BTK: variants seen among roughly 807,000 people sequenced by gnomAD.
BTK encodes the protein Bruton tyrosine kinase.
In BTK, 5 loss-of-function variants were observed where a neutral mutation model predicts 57.4. The ratio of observed to expected loss-of-function variants is 0.09; its 90% confidence interval spans 0.05 to 0.18. The LOEUF (loss-of-function observed/expected upper bound fraction) is 0.18. Ranked by LOEUF, BTK falls within the 10% of genes least tolerant of loss-of-function variation. The pLI is 1.00. For missense variants in BTK, 194 were observed against 501.2 expected, an observed-to-expected ratio of 0.39 and a Z score of 5.85; for synonymous variants, 154 against 174.3, an observed-to-expected ratio of 0.88 and a Z score of 0.92.
upstream of BTK, among the ~76,000 whole-genome samples, chrX:101,387,218 A>G (rs191000029): frequency 4.5e-5 from 5 of 111,355 alleles, no homozygotes; most frequent in Admixed American, 1.9e-4. Flanking sequence ...AACAAAAAAA[A>G]TGGGGTATAT....
chrX:101,375,492 A>G (rs1337328791), intron 1 of BTK, among the ~76,000 whole-genome samples, 178 bp from the exon 2 acceptor site: 1 of 111,874 alleles, frequency 8.9e-6, no homozygotes, highest in Non-Finnish European at 1.9e-5. Flanking sequence ...GGTATAATGG[A>G]TGCACACTGA....
chrX:101,355,927 G>A, intron 15 of BTK, 125 bp downstream of exon 15: 3 of 727,382 alleles, frequency 4.1e-6, no homozygotes, highest in Non-Finnish European at 6.5e-6. Flanking sequence ...CTAACTTATA[G>A]TACTTTCTAG....
chrX:101,353,104 G>A, intron 18 of BTK, 90 bp downstream of exon 18: 2 of 806,756 alleles, frequency 2.5e-6, no homozygotes, highest in Non-Finnish European at 3.6e-6. Context: ...AAGAATGTGT[G>A]CAGCTATCAG....
chrX:101,366,596 G>A (rs1334341481), intron 5 of BTK, among the ~76,000 whole-genome samples: 1 of 111,856 alleles, frequency 8.9e-6, no homozygotes, highest in Non-Finnish European at 1.9e-5. Flanking sequence ...ATTGACATTG[G>A]CAGCACCTGG....
intron 6 of BTK, 68 bp downstream of exon 6, chrX:101,362,493 G>T: frequency 8.3e-7 from 1 of 1,199,392 alleles, no homozygotes; most frequent in South Asian, 1.8e-5. Flanking sequence ...CCCTGGGCTT[G>T]ACAGACCCTT....
At chrX:101,370,206 AG>A in intron 4 of BTK, 127 bp from the exon 5 acceptor site, 1 of 577,997 alleles carries the variant, frequency 1.7e-6, no homozygotes, top group Middle Eastern at 4.1e-4. Context: ...CAGAATCTTC[AG>A]TCAGCAATGG....
intron 2 of BTK, among the ~76,000 whole-genome samples, 184 bp from the exon 3 acceptor site, chrX:101,374,818 A>G (rs1205032017): frequency 1.8e-5 from 2 of 111,714 alleles, no homozygotes; most frequent in African/African-American, 6.5e-5. Context: ...GGCAAATACC[A>G]TGGAAGAGTG....
intron 6 of BTK, 122 bp downstream of exon 6, chrX:101,362,439 G>A: frequency 1.8e-6 from 2 of 1,098,777 alleles, no homozygotes; most frequent in Middle Eastern, 3.0e-4. Context: ...CCCTCCCCCA[G>A]GACCCTTTGT....
rs782050626 is a variant in BTK, at chrX:101,378,943, G to T, written c.-30-3629C>A. Among the ~76,000 whole-genome samples the T allele has an allele frequency of 2.7e-5, 3 of 110,755 alleles. No individual in the cohort carries two copies. The East Asian group carries it at 8.5e-4, about 31-fold the overall frequency. Reference sequence around the variant, plus strand: ...AATCCCAGCACTTTGGGAGGCTGAGGCTGGCGGATCACTTGAGGTCAGGAG... The same window carrying T: ...AATCCCAGCACTTTGGGAGGCTGAGTCTGGCGGATCACTTGAGGTCAGGAG... On this transcript the variant is annotated intron_variant, in intron 1 of 18. Coordinates refer to ENST00000308731, the MANE Select transcript of BTK (RefSeq NM_000061.3).
intron 1 of BTK, among the ~76,000 whole-genome samples, chrX:101,377,204 C>A (rs1258302020): frequency 9.0e-6 from 1 of 111,333 alleles, no homozygotes; most frequent in African/African-American, 3.3e-5. Flanking sequence ...CCCTTCCCAA[C>A]ACTCAGTTTT....
rs147317272 is a variant in BTK, at chrX:101,352,491, G to A, written c.1908+703C>T. Among the ~76,000 whole-genome samples the A allele has an allele frequency of 1.4e-4, 16 of 112,172 alleles. No individual in the cohort carries two copies. The East Asian group carries it at 3.4e-3, about 24-fold the overall frequency. ...TCAGAGAATGTGTGCAAGGCCTGGC[G>A]TGGTGGTTGATGCCTCTAATCCCAG... On this transcript the variant is annotated intron_variant, in intron 18 of 18. Coordinates refer to ENST00000308731, the MANE Select transcript of BTK (RefSeq NM_000061.3).
At position 101,358,597 on chromosome X, in the gene BTK, C is replaced by T; in HGVS notation, c.974+20G>A. ...TACCCCTGTTCTTTGTCCTCAGGGCCTTGGAATAGTAGCACTCACCCTGTG... is the reference window on the plus strand; with the variant it reads ...TACCCCTGTTCTTTGTCCTCAGGGCTTTGGAATAGTAGCACTCACCCTGTG... On this transcript the variant is annotated intron_variant, in intron 11 of 18. Transcript: ENST00000308731. 1 of 1,201,973 alleles carries T rather than the reference C, an allele frequency of 8.3e-7. No individual in the cohort carries two copies. The highest frequency in any genetic ancestry group is 2.2e-5 in the Admixed American group (1 of 46,005).
At chrX:101,382,641 T>C (rs1465688210) in intron 1 of BTK, among the ~76,000 whole-genome samples, 1 of 111,411 alleles carries the variant, frequency 9.0e-6, no homozygotes, top group Non-Finnish European at 1.9e-5. Flanking sequence ...GACAATATAT[T>C]CTGGCCAACT....
intron 1 of BTK, among the ~76,000 whole-genome samples, chrX:101,384,602 T>C (rs1487171116): frequency 2.6e-5 from 1 of 38,639 alleles, no homozygotes; most frequent in Non-Finnish European, 4.2e-5. Flanking sequence ...TGAAACTCCG[T>C]GTCAAAAAAA....
At chrX:101,382,449 C>A (rs1927478659) in intron 1 of BTK, among the ~76,000 whole-genome samples, 1 of 110,848 alleles carries the variant, frequency 9.0e-6, no homozygotes, top group East Asian at 2.8e-4. Flanking sequence ...GCCTCAGCCT[C>A]CTGAGTAGCT....
Position 101,370,097 on chromosome X carries a change from C to T in BTK, c.310-18G>A. 1 of 1,145,342 alleles carries T rather than the reference C, an allele frequency of 8.7e-7. No individual in the cohort carries two copies. Among genetic ancestry groups the T allele is most frequent in the Non-Finnish European group, 1.2e-6 (1 of 835,225 alleles). 94.4% of individuals were successfully genotyped at this position (1,145,342 alleles called of 1,213,427 possible). On this transcript the variant is annotated intron_variant, in intron 4 of 18. Transcript: ENST00000308731. ...TATACAACCTGGGTCGATGAAAACA[C>T]AGACTTCAGCAGTTAGGATTCAGAA...
At chrX:101,383,275 CAA>C (rs1293259570) in intron 1 of BTK, among the ~76,000 whole-genome samples, 1 of 110,714 alleles carries the variant, frequency 9.0e-6, no homozygotes, top group Non-Finnish European at 1.9e-5. Flanking sequence ...TACCTTTTTC[CAA>C]AAAAAGATCT....
upstream of BTK, among the ~76,000 whole-genome samples, chrX:101,388,207 T>C (rs1927682366): frequency 9.0e-6 from 1 of 111,477 alleles, no homozygotes; most frequent in African/African-American, 3.3e-5. Flanking sequence ...ACATGCCCTG[T>C]CCTTTCTCAA....
chrX:101,389,646 C>A (rs1472504295), upstream of BTK, among the ~76,000 whole-genome samples: 2 of 111,443 alleles, frequency 1.8e-5, no homozygotes, highest in African/African-American at 6.5e-5. Flanking sequence ...ACTGCCACCT[C>A]CTCCTGTGTC....
Sources: gnomAD v4.1 joint callset for allele counts (sites outside exome capture counted in the v4.1 genomes callset) on GRCh38, gnomAD v4.1.1 for gene constraint, MANE v1.5 for transcripts, NCBI Gene and HGNC (gene_info 2026-07-23, HGNC 2026-07-21) for gene names.